The following RERE variants were observed in gnomAD, a reference collection of about 807,000 sequenced individuals.
RERE encodes the protein arginine-glutamic acid dipeptide repeats.
RERE carries 40 observed loss-of-function variants against 146.1 expected under a neutral mutation model. That is an observed-to-expected ratio of 0.27 (90% CI 0.21 to 0.36). The LOEUF is 0.36. Ranked by LOEUF, RERE falls within the 10% of genes least tolerant of loss-of-function variation. RERE has a pLI of 1.00. For synonymous variants in RERE, 1,003 were observed against 866.0 expected, an observed-to-expected ratio of 1.16 and a Z score of -2.78; for missense variants, 1,933 against 2,138.7, an observed-to-expected ratio of 0.90 and a Z score of 1.90.
rs144283732 is a variant in RERE, at chr1:8,758,080, C to T, written c.-145+59080G>A. On this transcript the variant is annotated intron_variant, in intron 1 of 22. Transcript: ENST00000400908. Reference sequence around the variant, plus strand: ...CCCACGTATATGCAGAATCCTAAAACGTCAAGTTCAATTTTTTTTTTTTTA... The same window carrying T: ...CCCACGTATATGCAGAATCCTAAAATGTCAAGTTCAATTTTTTTTTTTTTA... Among the ~76,000 whole-genome samples, 445 of 151,674 alleles carry T rather than the reference C, an allele frequency of 2.9e-3. 3 individuals carry two copies. The highest frequency in any genetic ancestry group is 0.01 in the African/African-American group (424 of 41,262).
Position 8,358,587 on chromosome 1 carries a change from C to G in RERE, c.3948G>C (p.Glu1316Asp). ...EREIREREIR[E>D]RELRERMKPG... ...GCTTCATCCTCTCCCGCAGCTCCCG[C>G]TCTCGGATCTCCCGCTCTCGGATCT... Residue 1316 changes from glutamate (E) to aspartate (D), a missense_variant, in exon 20 of 23, where the codon GAG becomes GAC. Around this residue, in one of 11 missense-constraint regions of RERE, gnomAD observed 1,255 missense variants for 1,153.8 expected, o/e 1.09. Coordinates refer to ENST00000400908, the MANE Select transcript of RERE (RefSeq NM_001042681.2). 6.2e-7 allele frequency: 1 copy of G among 1,601,814 alleles called. No individual in the cohort carries two copies. Among genetic ancestry groups the G allele is most frequent in the Non-Finnish European group, 8.5e-7 (1 of 1,174,112 alleles).
At chr1:8,550,020 T>G (rs1166627106) in intron 6 of RERE, among the ~76,000 whole-genome samples, 1 of 152,198 alleles carries the variant, frequency 6.6e-6, no homozygotes, top group Non-Finnish European at 1.5e-5. Context: ...AGGACATTGC[T>G]GAAAATCAAA....
chr1:8,577,487 G>A (rs1183071855), intron 4 of RERE, among the ~76,000 whole-genome samples: 2 of 152,176 alleles, frequency 1.3e-5, no homozygotes, highest in African/African-American at 2.4e-5. Context: ...CATGCCAACA[G>A]TCTGGTGACC....
At chr1:8,615,481 T>A (rs1646842202) in intron 3 of RERE, among the ~76,000 whole-genome samples, 1 of 152,240 alleles carries the variant, frequency 6.6e-6, no homozygotes, top group Non-Finnish European at 1.5e-5. Flanking sequence ...ATACCTCAGA[T>A]AACAGTTTGA....
At chr1:8,638,783 AT>A (rs34276909) in intron 2 of RERE, among the ~76,000 whole-genome samples, 3,086 of 100,202 alleles carry the variant, frequency 0.031, 34 homozygotes, top group African/African-American at 0.095. Context: ...ACGAAAAAAA[AT>A]TTTTTTTTTT....
intron 2 of RERE, among the ~76,000 whole-genome samples, chr1:8,637,662 T>TC (rs1173965721): frequency 6.6e-6 from 1 of 152,196 alleles, no homozygotes; most frequent in African/African-American, 2.4e-5. Flanking sequence ...ATATGTCTGA[T>TC]CCACTCATGG....
chr1:8,418,573 G>T (rs916430264), intron 12 of RERE, among the ~76,000 whole-genome samples: 1 of 152,168 alleles, frequency 6.6e-6, no homozygotes, highest in Admixed American at 6.5e-5. Flanking sequence ...ATAAACAAAG[G>T]CCAGGATTCA....
At chr1:8,793,533 G>C (rs1383213015) in intron 1 of RERE, among the ~76,000 whole-genome samples, 2 of 152,174 alleles carry the variant, frequency 1.3e-5, no homozygotes, top group Non-Finnish European at 2.9e-5. Context: ...GTCAGCACCT[G>C]TATTCTCCTA....
At chr1:8,653,528 T>C (rs1392275258) in intron 2 of RERE, among the ~76,000 whole-genome samples, 3 of 152,034 alleles carry the variant, frequency 2.0e-5, no homozygotes, top group African/African-American at 7.2e-5. Context: ...ACCCCGTCTC[T>C]ACTAAAAATA....
intron 2 of RERE, among the ~76,000 whole-genome samples, chr1:8,626,654 C>T (rs1028668224): frequency 2.0e-5 from 3 of 152,152 alleles, no homozygotes; most frequent in Non-Finnish European, 2.9e-5. Context: ...GATGTCAGCC[C>T]CAAAACATTC....
chr1:8,607,534 C>CTTTTTTCTTTTTTTTTTTTTTTT (rs1646733411), intron 4 of RERE, among the ~76,000 whole-genome samples: 1 of 48,584 alleles, frequency 2.1e-5, no homozygotes, highest in African/African-American at 8.6e-5. Flanking sequence ...ATATATATTT[C>CTTTTTTCTTTTTTTTTTTTTTTT]TTTTTTTTTT....
intron 2 of RERE, among the ~76,000 whole-genome samples, chr1:8,654,623 T>G (rs149829947): frequency 6.7e-5 from 10 of 150,364 alleles, no homozygotes; most frequent in African/African-American, 1.2e-4. Flanking sequence ...AGAAAGGATC[T>G]TGTTTTGTTT....
intron 1 of RERE, among the ~76,000 whole-genome samples, chr1:8,670,981 A>G (rs1488682429): frequency 6.6e-6 from 1 of 152,222 alleles, no homozygotes; most frequent in African/African-American, 2.4e-5. Context: ...GGTGTGAGAA[A>G]AAAGGAGGCC....
At chr1:8,815,048 C>T (rs989900096) in intron 1 of RERE, among the ~76,000 whole-genome samples, 1 of 152,188 alleles carries the variant, frequency 6.6e-6, no homozygotes, top group Admixed American at 6.6e-5. Flanking sequence ...CCATCCTCTT[C>T]GTCTGGATCT....
chr1:8,472,450 T>C (rs1278145446), intron 10 of RERE, among the ~76,000 whole-genome samples: 1 of 152,242 alleles, frequency 6.6e-6, no homozygotes, highest in East Asian at 1.9e-4. Context: ...TCTACCGTTT[T>C]CCTAAGAAGG....
chr1:8,739,738 T>C (rs1489989839), intron 1 of RERE, among the ~76,000 whole-genome samples: 1 of 152,038 alleles, frequency 6.6e-6, no homozygotes, highest in Non-Finnish European at 1.5e-5. Flanking sequence ...TGATTTTTCC[T>C]CCAGTCATCA....
intron 7 of RERE, among the ~76,000 whole-genome samples, chr1:8,522,598 A>G (rs1018446729): frequency 3.3e-5 from 5 of 152,146 alleles, no homozygotes; most frequent in Non-Finnish European, 5.9e-5. Flanking sequence ...TCAGCCGGGC[A>G]GGGCGGCTCA....
chr1:8,363,277 G>A (rs1405382851), intron 15 of RERE, among the ~76,000 whole-genome samples: 1 of 152,250 alleles, frequency 6.6e-6, no homozygotes, highest in Admixed American at 6.5e-5. Flanking sequence ...AGGACAGGAA[G>A]TGACCCAAAG....
intron 7 of RERE, among the ~76,000 whole-genome samples, chr1:8,514,754 G>GA (rs1354116934): frequency 1.3e-5 from 2 of 151,422 alleles, no homozygotes; most frequent in African/African-American, 4.9e-5. Context: ...GAAAAGAAAA[G>GA]AAAGAAAAGA....
Sources: gnomAD v4.1 joint callset for allele counts (sites outside exome capture counted in the v4.1 genomes callset) on GRCh38, gnomAD v4.1.1 for gene constraint, gnomAD v4.1.1 regional missense constraint, MANE v1.5 for transcripts, NCBI Gene and HGNC (gene_info 2026-07-23, HGNC 2026-07-21) for gene names.